ETV5: variants seen among roughly 807,000 people sequenced by gnomAD.
ETV5 encodes ETS translocation variant 5.
ETV5 carries 10 observed loss-of-function variants against 70.0 expected under a neutral mutation model. The ratio of observed to expected loss-of-function variants is 0.14; its 90% CI spans 0.09 to 0.24. The LOEUF (loss-of-function observed/expected upper bound fraction) is 0.24. Among genes scored for constraint, ETV5 ranks in the 10% least tolerant of loss-of-function variants. ETV5 has a pLI of 1.00. For missense variants in ETV5, 453 were observed against 651.2 expected (o/e 0.70, Z 3.31); for synonymous variants, 216 against 242.2 (o/e 0.89, Z 1.01).
At chr3:186,106,430 T>C (rs970758292) in intron 1 of ETV5, among the ~76,000 whole-genome samples, 1 of 152,208 alleles carries the variant, frequency 6.6e-6, no homozygotes, top group African/African-American at 2.4e-5. Flanking sequence ...AAGCATTTTG[T>C]AGGTCACTGT....
chr3:186,074,510 T>C (rs2150147442), intron 7 of ETV5, among the ~76,000 whole-genome samples: 1 of 152,214 alleles, frequency 6.6e-6, no homozygotes, highest in Non-Finnish European at 1.5e-5. Context: ...GCAAGGACAA[T>C]ATAAGAAAGA....
At chr3:186,055,884 C>T (rs550242715) in intron 11 of ETV5, among the ~76,000 whole-genome samples, 1 of 152,156 alleles carries the variant, frequency 6.6e-6, no homozygotes, top group Non-Finnish European at 1.5e-5. Context: ...GAGTGTTGTT[C>T]CCAATTTAAT....
chr3:186,103,418 C>T (rs903016821), intron 5 of ETV5, among the ~76,000 whole-genome samples: 3 of 152,136 alleles, frequency 2.0e-5, no homozygotes, highest in Non-Finnish European at 4.4e-5. Context: ...TTGAATGCAG[C>T]CATCTCATCT....
chr3:186,077,262 A>G (rs1303202255), intron 7 of ETV5, among the ~76,000 whole-genome samples: 1 of 152,244 alleles, frequency 6.6e-6, no homozygotes, highest in African/African-American at 2.4e-5. Context: ...ATCTTAATAA[A>G]AAGTTCTAAG....
At chr3:186,071,198 G>GA (rs774748036) in intron 7 of ETV5, among the ~76,000 whole-genome samples, 46 of 144,604 alleles carry the variant, frequency 3.2e-4, no homozygotes, top group South Asian at 4.4e-4. Context: ...ATGCTCACAG[G>GA]AAAAAAAAAA....
At position 186,076,493 on chromosome 3, in the gene ETV5, A is replaced by G. The variant is rs1578550187; in HGVS notation, c.650+3324T>C. Reference sequence around the variant, plus strand: ...TAGTGTGGACACCTGATAGATCGGCATAGTGTACTACAGAGCCCAGGACTC... The same window carrying G: ...TAGTGTGGACACCTGATAGATCGGCGTAGTGTACTACAGAGCCCAGGACTC... On this transcript the variant is annotated intron_variant, in intron 7 of 12. Transcript: ENST00000306376. The G allele has an allele frequency of 1.6e-5, 3 of 183,270 alleles. No individual in the cohort carries two copies. In the East Asian group the frequency reaches 2.7e-4, roughly 16 times the overall value. 11.4% of individuals were successfully genotyped at this position (183,270 alleles called of 1,614,324 possible). A position where few individuals can be genotyped will look rare whatever the true frequency, so the allele number is the denominator to read the frequency against.
intron 5 of ETV5, among the ~76,000 whole-genome samples, chr3:186,104,097 A>G (rs1714530328): frequency 6.6e-6 from 1 of 152,206 alleles, no homozygotes; most frequent in South Asian, 2.1e-4. Flanking sequence ...ATAAACTATG[A>G]CTAAGAGACA....
chr3:186,081,568 C>T (rs1713935326), intron 5 of ETV5, among the ~76,000 whole-genome samples: 1 of 152,110 alleles, frequency 6.6e-6, no homozygotes, highest in Admixed American at 6.5e-5. Context: ...TGTTGGTAGA[C>T]ATTACCAACA....
At chr3:186,049,248 T>A (rs767827701) in intron 12 of ETV5, among the ~76,000 whole-genome samples, 5 of 152,176 alleles carry the variant, frequency 3.3e-5, no homozygotes, top group Non-Finnish European at 5.9e-5. Flanking sequence ...GAGTTTACAG[T>A]CTTCACAGTA....
intron 5 of ETV5, among the ~76,000 whole-genome samples, chr3:186,088,994 G>T (rs1270538910): frequency 6.6e-6 from 1 of 152,174 alleles, no homozygotes; most frequent in Non-Finnish European, 1.5e-5. Context: ...GGACTGAGCA[G>T]ATTAAAAACT....
chr3:186,098,183 G>T (rs1714357810), intron 5 of ETV5, among the ~76,000 whole-genome samples: 1 of 152,250 alleles, frequency 6.6e-6, no homozygotes, highest in Non-Finnish European at 1.5e-5. Flanking sequence ...AGTAAGGTCA[G>T]AAAGTGCCCT....
At chr3:186,059,459 T>G (rs575432047) in intron 9 of ETV5, among the ~76,000 whole-genome samples, 1 of 152,306 alleles carries the variant, frequency 6.6e-6, no homozygotes, top group South Asian at 2.1e-4. Flanking sequence ...ATAGTACTGA[T>G]GGACTCCAGT....
chr3:186,089,709 CA>C (rs1310844278), intron 5 of ETV5, among the ~76,000 whole-genome samples: 2 of 152,072 alleles, frequency 1.3e-5, no homozygotes, highest in African/African-American at 4.8e-5. Flanking sequence ...GCCAAGACTT[CA>C]AAAAAGTCAC....
At chr3:186,053,160 G>A (rs547219187) in intron 11 of ETV5, among the ~76,000 whole-genome samples, 1 of 152,108 alleles carries the variant, frequency 6.6e-6, no homozygotes. Context: ...GGAGTGCAGT[G>A]GCACGATCAT....
chr3:186,074,226 A>G (rs577256965), intron 7 of ETV5, among the ~76,000 whole-genome samples: 1 of 152,280 alleles, frequency 6.6e-6, no homozygotes, highest in South Asian at 2.1e-4. Context: ...TTTAAAACTC[A>G]CACAAAATGG....
chr3:186,060,984 A>G (rs1170584187), intron 9 of ETV5, among the ~76,000 whole-genome samples: 1 of 152,210 alleles, frequency 6.6e-6, no homozygotes, highest in East Asian at 1.9e-4. Flanking sequence ...CATCACAGCC[A>G]GTGTCCGGGA....
intron 7 of ETV5, chr3:186,077,879 T>C (rs774120109): frequency 4.8e-6 from 2 of 416,020 alleles, no homozygotes; most frequent in Non-Finnish European, 7.0e-6. Flanking sequence ...CCCCAGTGTG[T>C]GTGTGAGAGC....
intron 7 of ETV5, among the ~76,000 whole-genome samples, chr3:186,073,478 G>A (rs758177697): frequency 2.6e-5 from 4 of 152,134 alleles, no homozygotes; most frequent in Non-Finnish European, 1.5e-5. Context: ...GCAGCAGAGC[G>A]GCGATTCAAC....
At chr3:186,060,016 T>C (rs541544842) in intron 9 of ETV5, among the ~76,000 whole-genome samples, 2 of 152,354 alleles carry the variant, frequency 1.3e-5, no homozygotes, top group South Asian at 2.1e-4. Flanking sequence ...TAATCCACTA[T>C]GCTTCAAACA....
Sources: allele counts gnomAD v4.1 joint callset (sites outside exome capture counted in the v4.1 genomes callset), GRCh38; gene constraint gnomAD v4.1.1; transcripts MANE v1.5; gene names NCBI Gene and HGNC (gene_info 2026-07-23, HGNC 2026-07-21).